Variants in PLB1 observed in about 807,000 individuals in gnomAD.
The protein encoded by PLB1 is phospholipase B1, membrane-associated.
Under a neutral mutation model 227.4 loss-of-function variants are expected in PLB1, and 242 were observed. The ratio of observed to expected loss-of-function variants is 1.06; its 90% CI spans 0.96 to 1.18. PLB1 has a LOEUF of 1.18. Among genes scored for constraint, PLB1 ranks in the 50% most tolerant of loss-of-function variants. The pLI, the probability that PLB1 is intolerant of heterozygous loss-of-function variation, is 0.00. For synonymous variants in PLB1, 757 were observed against 682.2 expected (o/e 1.11, Z -1.71); for missense variants, 1,858 against 1,816.3 (o/e 1.02, Z -0.42).
intron 8 of PLB1, among the ~76,000 whole-genome samples, chr2:28,530,321 T>C (rs982024818): frequency 6.6e-6 from 1 of 152,214 alleles, no homozygotes; most frequent in African/African-American, 2.4e-5. Context: ...CTGTATGATG[T>C]TGGGTAAGGC....
chr2:28,600,058 C>T (rs1683622086), intron 35 of PLB1, among the ~76,000 whole-genome samples: 1 of 152,144 alleles, frequency 6.6e-6, no homozygotes, highest in South Asian at 2.1e-4. Flanking sequence ...CAGGCATGTA[C>T]CACTATACCT....
intron 50 of PLB1, among the ~76,000 whole-genome samples, chr2:28,625,363 T>A (rs1331006883): frequency 1.3e-5 from 2 of 152,232 alleles, no homozygotes; most frequent in Non-Finnish European, 2.9e-5. Context: ...GTGGTGGCCT[T>A]GGCCTCTGAC....
In PLB1 at chr2:28,642,896, G is replaced by A. The variant is rs200722564; in HGVS notation, c.4212G>A (p.Leu1404=). ...PYLYTLRNSR[L]LPDQAEEAPE... is the part of the protein sequence containing the mutation. Reference sequence around the variant, plus strand: ...TCTACACCCTGCGGAACAGCCGATTGCTCCCAGACCAGGCTGAAGAAGCCC... The same window carrying A: ...TCTACACCCTGCGGAACAGCCGATTACTCCCAGACCAGGCTGAAGAAGCCC... The change falls in exon 58 of 58, where the codon TTG becomes TTA. Residue 1404 remains leucine, a synonymous_variant. Coordinates refer to ENST00000327757, the MANE Select transcript of PLB1 (RefSeq NM_153021.5). The A allele has an allele frequency of 2.5e-5, 40 of 1,607,980 alleles. No individual in the cohort carries two copies. Among genetic ancestry groups the A allele is most frequent in the Middle Eastern group, 1.6e-4 (1 of 6,074 alleles).
intron 18 of PLB1, among the ~76,000 whole-genome samples, chr2:28,564,060 C>T (rs1224808189): frequency 6.6e-6 from 1 of 152,092 alleles, no homozygotes; most frequent in Middle Eastern, 3.4e-3. Flanking sequence ...GGCAATGTAG[C>T]AAGACCCAAT....
At chr2:28,577,561 G>A (rs574334062) in intron 21 of PLB1, among the ~76,000 whole-genome samples, 10 of 152,278 alleles carry the variant, frequency 6.6e-5, no homozygotes, top group South Asian at 4.1e-4. Flanking sequence ...TAGTCACACC[G>A]GCCGGGCGCG....
At chr2:28,603,458 G>A (rs1302528723) in intron 39 of PLB1, among the ~76,000 whole-genome samples, 1 of 152,132 alleles carries the variant, frequency 6.6e-6, no homozygotes, top group African/African-American at 2.4e-5. Context: ...TGTGTACCAG[G>A]CATTGTTTCA....
At chr2:28,534,528 G>A (rs926485033) in intron 9 of PLB1, among the ~76,000 whole-genome samples, 6 of 152,190 alleles carry the variant, frequency 3.9e-5, no homozygotes, top group Admixed American at 1.3e-4. Context: ...GGATTGGGAC[G>A]TGAAACACAT....
intron 17 of PLB1, among the ~76,000 whole-genome samples, chr2:28,558,744 C>T (rs532953959): frequency 3.3e-5 from 5 of 151,900 alleles, no homozygotes; most frequent in South Asian, 2.1e-4. Context: ...CAAGGCATGG[C>T]GGTGGGGAGG....
intron 17 of PLB1, among the ~76,000 whole-genome samples, chr2:28,560,873 C>T (rs1675948699): frequency 6.6e-6 from 1 of 152,182 alleles, no homozygotes; most frequent in South Asian, 2.1e-4. Context: ...TTTCTCTTTG[C>T]TCTCTCATAT....
chr2:28,540,503 A>G, intron 12 of PLB1, 62 bp downstream of exon 12: 1 of 1,387,346 alleles, frequency 7.2e-7, no homozygotes, highest in South Asian at 1.2e-5. Context: ...GCCAAGGAGA[A>G]CAGGAGTGAT....
chr2:28,545,421 A>G (rs1048021390), intron 14 of PLB1, among the ~76,000 whole-genome samples: 1 of 152,170 alleles, frequency 6.6e-6, no homozygotes, highest in Non-Finnish European at 1.5e-5. Context: ...GCTGGAACAC[A>G]TCAGAAGCTC....
chr2:28,518,638 C>T, intron 3 of PLB1, 106 bp downstream of exon 3: 2 of 756,024 alleles, frequency 2.6e-6, no homozygotes, highest in Non-Finnish European at 4.6e-6. Flanking sequence ...CCCTTCAAGT[C>T]CTCCTCTTCC....
At chr2:28,620,365 G>C in intron 47 of PLB1, 33 bp downstream of exon 47, 1 of 1,548,408 alleles carries the variant, frequency 6.5e-7, no homozygotes, top group Non-Finnish European at 8.8e-7. Context: ...CTCTATTGAT[G>C]ATGCTCTCTC....
intron 16 of PLB1, among the ~76,000 whole-genome samples, chr2:28,551,915 G>A (rs1324893041): frequency 2.0e-5 from 3 of 152,186 alleles, no homozygotes; most frequent in Non-Finnish European, 4.4e-5. Flanking sequence ...CCACTAGAAT[G>A]CAAGCTCAGT....
At chr2:28,561,310 G>A (rs1317997995) in intron 17 of PLB1, among the ~76,000 whole-genome samples, 1 of 30,442 alleles carries the variant, frequency 3.3e-5, no homozygotes, top group African/African-American at 6.6e-5. Context: ...CACACGGAAT[G>A]CTCAAACTCA....
chr2:28,632,861 C>A, intron 55 of PLB1, 83 bp from the exon 56 acceptor site: 2 of 969,106 alleles, frequency 2.1e-6, no homozygotes, highest in Non-Finnish European at 3.3e-6. Flanking sequence ...GAGACATGCC[C>A]AGGGCACCTG....
At chr2:28,581,469 C>A (rs901741126) in intron 23 of PLB1, among the ~76,000 whole-genome samples, 2 of 137,792 alleles carry the variant, frequency 1.5e-5, no homozygotes, top group Non-Finnish European at 3.0e-5. Flanking sequence ...TGGAGTAGAT[C>A]CAGAGCTCCA....
At chr2:28,618,446 A>G (rs1415408438) in intron 46 of PLB1, 47 bp downstream of exon 46, 3 of 1,577,648 alleles carry the variant, frequency 1.9e-6, no homozygotes, top group Non-Finnish European at 2.6e-6. Flanking sequence ...GAGTCCAGCC[A>G]GGCCCTGCGC....
intron 18 of PLB1, among the ~76,000 whole-genome samples, chr2:28,563,984 A>T (rs1259945575): frequency 1.3e-5 from 2 of 152,092 alleles, no homozygotes; most frequent in Admixed American, 1.3e-4. Flanking sequence ...TCACATCTAT[A>T]ATCTCAGCAC....
Sources: allele counts gnomAD v4.1 joint callset (sites outside exome capture counted in the v4.1 genomes callset), GRCh38; gene constraint gnomAD v4.1.1; transcripts MANE v1.5; gene names NCBI Gene and HGNC (gene_info 2026-07-23, HGNC 2026-07-21).